LCP1: variants seen among roughly 807,000 people sequenced by gnomAD.
LCP1 encodes lymphocyte cytosolic protein 1.
LCP1 carries 23 observed loss-of-function variants against 72.0 expected under a neutral mutation model. The observed-to-expected ratio is 0.32, with a 90% CI of 0.23 to 0.45. The LOEUF (loss-of-function observed/expected upper bound fraction) is 0.45, where lower values mean the gene tolerates loss of function less well. LCP1 is among the 20% of genes least tolerant of loss of function. LCP1 has a pLI of 1.00. For synonymous variants in LCP1, 245 were observed against 275.4 expected, an observed-to-expected ratio of 0.89 and a Z score of 1.09; for missense variants, 571 against 748.3, an observed-to-expected ratio of 0.76 and a Z score of 2.76.
Position 46,150,441 on chromosome 13 carries a change from C to A in LCP1, c.882+495G>T, listed in dbSNP as rs1042490293. On this transcript the variant is annotated intron_variant, in intron 8 of 15. Coordinates refer to ENST00000323076, the MANE Select transcript of LCP1 (RefSeq NM_002298.5). Reference sequence around the variant, plus strand: ...AAAATGAGAGGATAATAACCCTTACCTCATGGGGTTGTTGTAAGGATTCAA... The same window carrying A: ...AAAATGAGAGGATAATAACCCTTACATCATGGGGTTGTTGTAAGGATTCAA... Among the ~76,000 whole-genome samples, 5 of 152,224 alleles carry A rather than the reference C, an allele frequency of 3.3e-5. 1 individual carries two copies. In the Middle Eastern group the frequency reaches 0.017, roughly 518 times the overall value.
At chr13:46,169,350 A>C (rs552242761) in intron 1 of LCP1, 1 of 152,364 alleles carries the variant, frequency 6.6e-6, no homozygotes, top group South Asian at 2.1e-4. Context: ...TGCAATTAAC[A>C]TGTGCCAAAT....
rs1734268383 is a variant in LCP1 at position 46,177,177 on chromosome 13, C to T, written c.-25+4934G>A. 3.3e-5 allele frequency among the ~76,000 whole-genome samples: 5 copies of T among 152,224 alleles called. No homozygotes were observed. The South Asian group carries it at 1.0e-3, about 31-fold the overall frequency. On this transcript the variant is annotated intron_variant, in intron 1 of 15. Coordinates refer to ENST00000323076, the MANE Select transcript of LCP1 (RefSeq NM_002298.5). ...ACTTTTACCTCTCTTCTTCCACTAA[C>T]ATTTAAAGCAATGTTTCATTCTTTC...
At chr13:46,174,094 C>T (rs2045916615) in intron 1 of LCP1, among the ~76,000 whole-genome samples, 2 of 152,198 alleles carry the variant, frequency 1.3e-5, no homozygotes. Context: ...AGCTGAAAAA[C>T]AGTGAGACAA....
chr13:46,168,441 G>C (rs2045888547), intron 1 of LCP1: 1 of 152,246 alleles, frequency 6.6e-6, no homozygotes, highest in African/African-American at 2.4e-5. Flanking sequence ...TGGGGGCTGG[G>C]GGGCTGTGTT....
chr13:46,163,476 G>A (rs562078976), intron 1 of LCP1, among the ~76,000 whole-genome samples: 36 of 152,184 alleles, frequency 2.4e-4, no homozygotes, highest in Non-Finnish European at 4.1e-4. Flanking sequence ...CTAATCTCAA[G>A]TACCCAGGGA....
intron 14 of LCP1, 92 bp downstream of exon 14, chr13:46,134,035 C>A (rs2045649327): frequency 1.5e-6 from 2 of 1,333,024 alleles, no homozygotes; most frequent in Admixed American, 1.9e-5. Context: ...GCCTCTAATA[C>A]CTACCACTGA....
Position 46,157,116 on chromosome 13 carries a change from G to A in LCP1, c.359-546C>T, listed in dbSNP as rs749710373. Among the ~76,000 whole-genome samples the A allele has an allele frequency of 1.4e-4, 21 of 151,384 alleles. No homozygotes were observed. In the South Asian group the frequency reaches 1.9e-3, roughly 14 times the overall value. On this transcript the variant is annotated intron_variant, in intron 4 of 15. Coordinates refer to ENST00000323076, the MANE Select transcript of LCP1 (RefSeq NM_002298.5). ...ATTGCAGGTGTGAGCCACCGCGCCC[G>A]GCCAAAACTATCTCTCTGTTCCTAT...
intron 15 of LCP1, among the ~76,000 whole-genome samples, chr13:46,128,928 T>A (rs184275661): frequency 2.1e-4 from 23 of 110,438 alleles, no homozygotes; most frequent in African/African-American, 5.9e-4. Context: ...CAAGCCCACA[T>A]TTACTACCTC....
At chr13:46,129,232 C>T (rs1031476372) in intron 15 of LCP1, among the ~76,000 whole-genome samples, 2 of 152,160 alleles carry the variant, frequency 1.3e-5, no homozygotes, top group South Asian at 2.1e-4. Context: ...TTGTATCTCG[C>T]CCTCACAGGA....
intron 1 of LCP1, among the ~76,000 whole-genome samples, chr13:46,162,833 G>A (rs1183795379): frequency 6.6e-6 from 1 of 151,450 alleles, no homozygotes; most frequent in African/African-American, 2.4e-5. Context: ...CTGCCCGGCC[G>A]CGACCCCGTC....
chr13:46,163,090 A>G (rs1238838652), intron 1 of LCP1, among the ~76,000 whole-genome samples: 7 of 142,340 alleles, frequency 4.9e-5, no homozygotes, highest in East Asian at 2.2e-4. Context: ...GCCCCTTCTG[A>G]GAAGTGAGGA....
chr13:46,137,424 C>G (rs1189412406), intron 13 of LCP1, among the ~76,000 whole-genome samples: 1 of 152,028 alleles, frequency 6.6e-6, no homozygotes, highest in Non-Finnish European at 1.5e-5. Flanking sequence ...GTAATCCCAG[C>G]TATTTGGTGG....
chr13:46,173,939 T>A (rs989078327), intron 1 of LCP1, among the ~76,000 whole-genome samples: 3 of 152,218 alleles, frequency 2.0e-5, no homozygotes, highest in Non-Finnish European at 4.4e-5. Context: ...AAAAGAGATC[T>A]CTGGGCATCT....
At position 46,156,093 on chromosome 13, in the gene LCP1, T is replaced by C. The variant is rs74525518; in HGVS notation, c.491+345A>G. On this transcript the variant is annotated intron_variant, in intron 5 of 15. Transcript: ENST00000323076. The stretch of plus-strand genomic sequence containing the variant: ...TCAGATAAACTTTTTAATGTCCTTC[T>C]ATAGTCATTATTTAATCAGTATTTT... Among the ~76,000 whole-genome samples the C allele has an allele frequency of 5.5e-3, 836 of 152,356 alleles. 4 individuals carry two copies. The highest frequency in any genetic ancestry group is 0.019 in the African/African-American group (806 of 41,576).
At chr13:46,160,385 C>G (rs2045830518) in intron 1 of LCP1, among the ~76,000 whole-genome samples, 1 of 152,216 alleles carries the variant, frequency 6.6e-6, no homozygotes, top group South Asian at 2.1e-4. Context: ...CAATAAGCAA[C>G]TAAAACACTT....
chr13:46,126,506 TG>T lies in LCP1; in HGVS notation c.*1084del. The T allele has an allele frequency of 4.3e-6, 1 of 232,840 alleles. No homozygotes were observed. The highest frequency in any genetic ancestry group is 8.5e-6 in the Non-Finnish European group (1 of 117,478). The allele number at this position is 232,840 out of a possible 1,614,324, so 14.4% of individuals were successfully genotyped here. On this transcript the variant is annotated 3_prime_UTR_variant, in exon 16 of 16. Coordinates refer to ENST00000323076, the MANE Select transcript of LCP1 (RefSeq NM_002298.5). ...AGGGGTGCTATTGATTGGCACATAT[TG>T]TCCCCCCTGGAGTTTAGGGGTGGCA...
At chr13:46,176,062 G>A (rs1355558650) in intron 1 of LCP1, among the ~76,000 whole-genome samples, 2 of 152,178 alleles carry the variant, frequency 1.3e-5, no homozygotes, top group African/African-American at 2.4e-5. Context: ...GGAAGGGTAG[G>A]GGGAAGGTGG....
Position 46,152,876 on chromosome 13 carries a change from C to A in LCP1, c.643G>T (p.Asp215Tyr). The change falls in exon 7 of 16, where the codon GAC becomes TAC. Residue 215 changes from aspartate to tyrosine, a missense_variant. Coordinates refer to ENST00000323076, the MANE Select transcript of LCP1 (RefSeq NM_002298.5). ...GCHVVNIGAE[D>Y]LKEGKPYLVL... The stretch of plus-strand genomic sequence containing the variant: ...AGATAAGGCTTCCCCTCCTTCAGGT[C>A]CTCAGCCCCTATGTTGACCACATGG... The A allele has an allele frequency of 6.2e-7, 1 of 1,614,158 alleles. No homozygotes were observed. Among genetic ancestry groups the A allele is most frequent in the South Asian group, 1.1e-5 (1 of 91,078 alleles).
chr13:46,145,869 A>ACTG (rs1318407809), intron 10 of LCP1, among the ~76,000 whole-genome samples: 2 of 101,188 alleles, frequency 2.0e-5, no homozygotes, highest in African/African-American at 8.3e-5. Context: ...AGATCCCGCC[A>ACTG]CTGCACTCCA....
Sources: allele counts gnomAD v4.1 joint callset (sites outside exome capture counted in the v4.1 genomes callset), GRCh38; gene constraint gnomAD v4.1.1; transcripts MANE v1.5; gene names NCBI Gene and HGNC (gene_info 2026-07-23, HGNC 2026-07-21).